NAV1: variants seen among roughly 807,000 people sequenced by gnomAD.
NAV1 encodes the protein pore membrane and/or filament interacting like protein 3.
NAV1 carries 18 observed loss-of-function variants against 175.2 expected under a neutral mutation model. The ratio of observed to expected loss-of-function variants is 0.10; its 90% CI spans 0.07 to 0.15. The LOEUF is 0.15. NAV1 is among the 10% of genes least tolerant of loss of function. NAV1 has a pLI of 1.00. For synonymous variants in NAV1, 897 were observed against 978.7 expected (o/e 0.92, Z 1.56); for missense variants, 1,731 against 2,436.6 (o/e 0.71, Z 6.10).
rs986312248 is a variant in NAV1 at position 201,740,244 on chromosome 1, G to T, written c.1226+21489G>T. On this transcript the variant is annotated intron_variant, in intron 3 of 29. Coordinates refer to ENST00000367296, the Ensembl canonical transcript of NAV1. The surrounding 1 kb of genome is among the most constrained non-coding windows in gnomAD (Gnocchi z 4.7). ...GGGTCTTGGCCGCGCTCGCTTTTCC[G>T]CCAGAGAGGAGTGCCTGCGCCGCCG... Among the ~76,000 whole-genome samples, 1 of 152,340 alleles carries T rather than the reference G, an allele frequency of 6.6e-6. No individual in the cohort carries two copies. Among genetic ancestry groups the T allele is most frequent in the South Asian group, 2.1e-4 (1 of 4,826 alleles).
intron 3 of NAV1, among the ~76,000 whole-genome samples, chr1:201,743,677 T>C (rs938532579): frequency 3.9e-5 from 6 of 152,212 alleles, no homozygotes; most frequent in African/African-American, 1.4e-4. Context: ...TTCTTCCGTC[T>C]TACTAGGACT....
At chr1:201,676,881 C>G (rs747026596) in intron 1 of NAV1, among the ~76,000 whole-genome samples, 6 of 152,184 alleles carry the variant, frequency 3.9e-5, no homozygotes, top group Non-Finnish European at 7.3e-5. Context: ...ACATCCCATT[C>G]TTGATTGTCT....
intron 3 of NAV1, among the ~76,000 whole-genome samples, chr1:201,768,787 A>G (rs960406883): frequency 2.6e-5 from 4 of 152,186 alleles, no homozygotes; most frequent in African/African-American, 4.8e-5. Flanking sequence ...TTTTACCTAT[A>G]AGATTGGCAA....
At chr1:201,648,136 C>A, upstream of NAV1, 1 of 572,988 alleles carries the variant, frequency 1.7e-6, no homozygotes, top group Non-Finnish European at 2.2e-6. Context: ...CTCCTGTTTG[C>A]TCCCCGCCTT....
exon 16 of NAV1, chr1:201,803,651 T>C (rs747915235): frequency 1.1e-5 from 17 of 1,613,534 alleles, no homozygotes; most frequent in Non-Finnish European, 1.3e-5. Context: ...ACAGCATCAC[T>C]AGCCATTCCA....
At chr1:201,595,812 C>G (rs570638733) in intron 2 of NAV1, among the ~76,000 whole-genome samples, 130 of 152,340 alleles carry the variant, frequency 8.5e-4, no homozygotes, top group African/African-American at 3.1e-3. Flanking sequence ...CTTACGTGTC[C>G]CCTGCAACCA....
intron 1 of NAV1, among the ~76,000 whole-genome samples, chr1:201,705,664 C>T (rs1428497552): frequency 6.6e-6 from 1 of 152,146 alleles, no homozygotes; most frequent in African/African-American, 2.4e-5. Flanking sequence ...AGTAAGAGAA[C>T]AAATAGTCCC....
chr1:201,559,210 G>A (rs2102462151), intron 1 of NAV1, among the ~76,000 whole-genome samples: 1 of 152,184 alleles, frequency 6.6e-6, no homozygotes, highest in East Asian at 1.9e-4. Flanking sequence ...GTAAATTGGG[G>A]GTTATTTATG....
At chr1:201,809,696 G>A (rs1371941455) in intron 22 of NAV1, among the ~76,000 whole-genome samples, 159 bp downstream of exon 26, 2 of 152,160 alleles carry the variant, frequency 1.3e-5, no homozygotes, top group Non-Finnish European at 2.9e-5. Context: ...TAATTCTCCT[G>A]TCGCAGCCTC....
chr1:201,741,261 G>A (rs1027021831), intron 3 of NAV1, among the ~76,000 whole-genome samples: 1 of 152,304 alleles, frequency 6.6e-6, no homozygotes. Flanking sequence ...GAGCCCCTTG[G>A]AAGCCAGAGG....
intron 1 of NAV1, among the ~76,000 whole-genome samples, chr1:201,548,603 T>C (rs1665735779): frequency 6.6e-6 from 1 of 152,214 alleles, no homozygotes; most frequent in Non-Finnish European, 1.5e-5. Flanking sequence ...AAAGGTGTTA[T>C]TGACTGAAGA....
At chr1:201,804,372 A>AC (rs1208363133) in intron 16 of NAV1, 117 bp from the exon 21 acceptor site, 5 of 1,047,886 alleles carry the variant, frequency 4.8e-6, no homozygotes, top group Non-Finnish European at 6.9e-6. Flanking sequence ...AGTAAGACAC[A>AC]CCCCCAGACC....
At chr1:201,766,085 A>G (rs1383045461) in intron 3 of NAV1, among the ~76,000 whole-genome samples, 1 of 152,212 alleles carries the variant, frequency 6.6e-6, no homozygotes, top group Admixed American at 6.5e-5. Context: ...TCCTGATTGC[A>G]CATATCCTCC....
At chr1:201,634,766 C>T (rs959240037) in intron 2 of NAV1, among the ~76,000 whole-genome samples, 5 of 152,184 alleles carry the variant, frequency 3.3e-5, no homozygotes, top group African/African-American at 1.2e-4. Context: ...AGCTGGTCAG[C>T]TTGGAGCCTC....
chr1:201,753,158 A>T (rs933445129), intron 3 of NAV1, among the ~76,000 whole-genome samples: 2 of 152,202 alleles, frequency 1.3e-5, no homozygotes, highest in Non-Finnish European at 2.9e-5. Flanking sequence ...GAGCATTCAC[A>T]TATCTTAGAA....
At chr1:201,821,736 G>C (rs1376749168) in exon 30 of NAV1, 1 of 152,218 alleles carries the variant, frequency 6.6e-6, no homozygotes, top group Non-Finnish European at 1.5e-5. Context: ...GATCAATTAA[G>C]ATGGAGCCTG....
rs140094102 is a variant in NAV1 at position 201,547,485 on chromosome 1, A to C, written c.-144+8143A>C. On this transcript the variant is annotated intron_variant, in intron 1 of 33. Transcript: ENST00000685211. ...CTAAATTGGAATTTTCTCTCTCAGC[A>C]AAAGGGAAATAAGGTCATGATCCCT... is the stretch of plus-strand genomic sequence containing the variant. Among the ~76,000 whole-genome samples the C allele has an allele frequency of 5.9e-5, 9 of 152,348 alleles. No individual in the cohort carries two copies. The East Asian group carries it at 1.7e-3, about 29-fold the overall frequency.
At chr1:201,768,059 T>C (rs1206773888) in intron 3 of NAV1, among the ~76,000 whole-genome samples, 1 of 152,214 alleles carries the variant, frequency 6.6e-6, no homozygotes, top group Admixed American at 6.5e-5. Flanking sequence ...GCATGGTGGC[T>C]TATGCCTGTA....
chr1:201,549,762 G>A (rs1424380157), intron 1 of NAV1, among the ~76,000 whole-genome samples: 2 of 149,580 alleles, frequency 1.3e-5, no homozygotes, highest in East Asian at 4.1e-4. Flanking sequence ...TGTAATCCCA[G>A]CACTTCGGGA....
Sources: allele counts gnomAD v4.1 joint callset (sites outside exome capture counted in the v4.1 genomes callset), GRCh38; gene constraint gnomAD v4.1.1; non-coding constraint Gnocchi (gnomAD v3.1); transcripts MANE v1.5; gene names NCBI Gene and HGNC (gene_info 2026-07-23, HGNC 2026-07-21).